PRDM16: variants seen among roughly 807,000 people sequenced by gnomAD.
The protein encoded by PRDM16 is histone-lysine N-methyltransferase PRDM16.
A neutral mutation model predicts 110.6 loss-of-function variants in PRDM16; 23 were observed. The ratio of observed to expected loss-of-function variants is 0.21; its 90% confidence interval spans 0.15 to 0.29. PRDM16 has a LOEUF of 0.29. PRDM16 is among the 10% of genes least tolerant of loss of function. The pLI, the probability that PRDM16 is intolerant of heterozygous loss-of-function variation, is 1.00. For synonymous variants in PRDM16, 799 were observed against 781.8 expected (o/e 1.02, Z -0.37); for missense variants, 1,615 against 1,794.3 (o/e 0.90, Z 1.81).
At position 3,069,204 on chromosome 1, in the gene PRDM16, G is replaced by C; in HGVS notation, c.-56G>C. 1 of 1,509,754 alleles carries C rather than the reference G, an allele frequency of 6.6e-7. No individual in the cohort carries two copies. The highest frequency in any genetic ancestry group is 9.1e-7 in the Non-Finnish European group (1 of 1,099,544). The allele number at this position is 1,509,754 out of a possible 1,614,324, so 93.5% of individuals were successfully genotyped here. On this transcript the variant is annotated 5_prime_UTR_variant, in exon 1 of 17. Coordinates refer to ENST00000270722, the MANE Select transcript of PRDM16 (RefSeq NM_022114.4). The surrounding 1 kb of genome is among the most constrained non-coding windows in gnomAD (Gnocchi z 6.1). The stretch of plus-strand genomic sequence containing the variant: ...TGACAATGCTGGGGAGATGAAGATA[G>C]TGTGTGGCTGCTTCTGGACTCAAGG...
intron 1 of PRDM16, among the ~76,000 whole-genome samples, chr1:3,146,597 G>A (rs775588929): frequency 5.6e-5 from 8 of 143,594 alleles, no homozygotes; most frequent in African/African-American, 7.9e-5. Context: ...ATGTGTGCAC[G>A]TGTGTGCTCA....
intron 1 of PRDM16, among the ~76,000 whole-genome samples, chr1:3,179,203 G>A (rs1018608906): frequency 1.3e-5 from 2 of 152,234 alleles, no homozygotes; most frequent in Admixed American, 1.3e-4. Flanking sequence ...ATGTGTAGCC[G>A]ATCCCAACCA....
intron 2 of PRDM16, among the ~76,000 whole-genome samples, chr1:3,237,141 C>T (rs1639556831): frequency 1.3e-5 from 2 of 152,154 alleles, no homozygotes; most frequent in Admixed American, 1.3e-4. Context: ...CAAACTGTCC[C>T]TCCTCCACAC....
intron 3 of PRDM16, among the ~76,000 whole-genome samples, chr1:3,366,265 A>C (rs1412221583): frequency 6.6e-6 from 1 of 152,216 alleles, no homozygotes; most frequent in African/African-American, 2.4e-5. Context: ...CTCGCAGACT[A>C]GACAGGCTTG....
At position 3,081,264 on chromosome 1, in the gene PRDM16, G is replaced by A. The variant is rs1304977106; in HGVS notation, c.37+11968G>A. Among the ~76,000 whole-genome samples the A allele has an allele frequency of 6.6e-6, 1 of 152,180 alleles. No homozygotes were observed. The highest frequency in any genetic ancestry group is 1.5e-5 in the Non-Finnish European group (1 of 68,026). ...TCGAGGCCCCTCGCGGCTGTACCCC[G>A]AGTCCCCCGTGCTGGCACCTGATAA... On this transcript the variant is annotated intron_variant, in intron 1 of 16. Coordinates refer to ENST00000270722, the MANE Select transcript of PRDM16 (RefSeq NM_022114.4). The surrounding 1 kb of genome is among the most constrained non-coding windows in gnomAD (Gnocchi z 4.6).
chr1:3,181,386 GGCCTTA>G (rs1644177215), intron 1 of PRDM16, among the ~76,000 whole-genome samples: 2 of 10,140 alleles, frequency 2.0e-4, no homozygotes, highest in Admixed American at 1.7e-3. Flanking sequence ...TCTTACACAC[GGCCTTA>G]CGCATGGTCT....
At chr1:3,089,082 C>T (rs1252034175) in intron 1 of PRDM16, among the ~76,000 whole-genome samples, 1 of 152,202 alleles carries the variant, frequency 6.6e-6, no homozygotes, top group Non-Finnish European at 1.5e-5. Context: ...CGCGCCAGTC[C>T]GAGATGCAGG....
At chr1:3,276,616 G>A (rs1640588178) in intron 3 of PRDM16, among the ~76,000 whole-genome samples, 1 of 145,104 alleles carries the variant, frequency 6.9e-6, no homozygotes. Context: ...TCACATCCCA[G>A]GGAAGCTGCA....
intron 2 of PRDM16, among the ~76,000 whole-genome samples, chr1:3,222,480 G>A (rs1421333044): frequency 6.6e-6 from 1 of 152,232 alleles, no homozygotes; most frequent in African/African-American, 2.4e-5. Context: ...CTTCCCTCCA[G>A]GAAGCCTCTC....
chr1:3,401,684 G>T (rs931815218), intron 5 of PRDM16, among the ~76,000 whole-genome samples: 1 of 152,110 alleles, frequency 6.6e-6, no homozygotes, highest in African/African-American at 2.4e-5. Flanking sequence ...ACACAACATA[G>T]CCACCCATGC....
At position 3,143,075 on chromosome 1, in the gene PRDM16, AC is replaced by A. The variant is rs141473519; in HGVS notation, c.38-43047del. On this transcript the variant is annotated intron_variant, in intron 1 of 16. Transcript: ENST00000270722. The surrounding 1 kb of genome is among the most constrained non-coding windows in gnomAD (Gnocchi z 4.5). ...GGCTGGAGAATTCGTACCCGCGGGCACCCATGGAAGCCTGAGCTCTGTCTTT... is the reference window on the plus strand; with the variant it reads ...GGCTGGAGAATTCGTACCCGCGGGCACCATGGAAGCCTGAGCTCTGTCTTT... 4.8e-3 allele frequency among the ~76,000 whole-genome samples: 729 copies of A among 152,304 alleles called. 1 individual carries two copies. The highest frequency in any genetic ancestry group is 9.4e-3 in the African/African-American group (392 of 41,560).
rs1232342495 is a variant in PRDM16 at position 3,425,499 on chromosome 1, G to T, written c.2940-82G>T. ...CACGGGGCACGGGGCAGGGGCGCGGGCTCCCTTCCCCCCACCCTCTGTGGC... is the reference window on the plus strand; with the variant it reads ...CACGGGGCACGGGGCAGGGGCGCGGTCTCCCTTCCCCCCACCCTCTGTGGC... On this transcript the variant is annotated intron_variant, in intron 12 of 16. Transcript: ENST00000270722. This position sits in a 1 kb window ranked among gnomAD's most constrained non-coding sequence, Gnocchi z 6.9. 6 of 1,462,010 alleles carry T rather than the reference G, an allele frequency of 4.1e-6. No individual in the cohort carries two copies. Among genetic ancestry groups the T allele is most frequent in the Non-Finnish European group, 5.6e-6 (6 of 1,068,532 alleles). The allele number at this position is 1,462,010 out of a possible 1,614,324, so 90.6% of individuals were successfully genotyped here. A position where few individuals can be genotyped will look rare whatever the true frequency, so the allele number is the denominator to read the frequency against.
At chr1:3,136,311 C>T (rs938090901) in intron 1 of PRDM16, among the ~76,000 whole-genome samples, 3 of 152,236 alleles carry the variant, frequency 2.0e-5, no homozygotes, top group African/African-American at 4.8e-5. Flanking sequence ...ACGCCAGGCA[C>T]TGAGTCCTCA....
At chr1:3,120,091 C>A (rs1297878578) in intron 1 of PRDM16, among the ~76,000 whole-genome samples, 1 of 152,230 alleles carries the variant, frequency 6.6e-6, no homozygotes, top group Non-Finnish European at 1.5e-5. Flanking sequence ...CCACCACCAG[C>A]CCTTATCCCA....
chr1:3,192,572 C>T (rs976991140), intron 2 of PRDM16, among the ~76,000 whole-genome samples: 5 of 152,130 alleles, frequency 3.3e-5, no homozygotes, highest in South Asian at 4.2e-4. Context: ...TGGCAGTGGG[C>T]GGGGCTTGGT....
intron 14 of PRDM16, among the ~76,000 whole-genome samples, chr1:3,426,590 A>C (rs1638613276): frequency 6.6e-6 from 1 of 152,226 alleles, no homozygotes; most frequent in Non-Finnish European, 1.5e-5. Context: ...TTTCCAAACC[A>C]AAATGCTGCA....
rs1490021283 is a variant in PRDM16, at chr1:3,282,258, T to G, written c.438+38121T>G. 2.0e-5 allele frequency among the ~76,000 whole-genome samples: 3 copies of G among 152,284 alleles called. No homozygotes were observed. The East Asian group carries it at 5.8e-4, about 30-fold the overall frequency. On this transcript the variant is annotated intron_variant, in intron 3 of 16. Coordinates refer to ENST00000270722, the MANE Select transcript of PRDM16 (RefSeq NM_022114.4). ...ACGTTTCCCCAGAGAGGTCAGCAGG[T>G]GCCGGGCACCAGCCCTTCCCCAGAC...
rs1341523667 is a variant in PRDM16, at chr1:3,332,450, G to A, written c.439-52702G>A. On this transcript the variant is annotated intron_variant, in intron 3 of 16. Transcript: ENST00000270722. ...GGCGGCTAGGGAGCGGTGGGGGGGCGTGGCCTGGCCCCCCCTCGGTTCGGT... is the reference window on the plus strand; with the variant it reads ...GGCGGCTAGGGAGCGGTGGGGGGGCATGGCCTGGCCCCCCCTCGGTTCGGT... 1.9e-4 allele frequency among the ~76,000 whole-genome samples: 29 copies of A among 152,190 alleles called. No homozygotes were observed. The East Asian group carries it at 5.0e-3, about 26-fold the overall frequency.
intron 1 of PRDM16, among the ~76,000 whole-genome samples, chr1:3,153,565 G>A (rs1199651649): frequency 6.6e-6 from 1 of 152,214 alleles, no homozygotes; most frequent in Non-Finnish European, 1.5e-5. Context: ...ATTGCCGGGT[G>A]TCTTTTGGAG....
Sources: gnomAD v4.1 joint callset for allele counts (sites outside exome capture counted in the v4.1 genomes callset) on GRCh38, gnomAD v4.1.1 for gene constraint, Gnocchi (gnomAD v3.1) non-coding constraint, MANE v1.5 for transcripts, NCBI Gene and HGNC (gene_info 2026-07-23, HGNC 2026-07-21) for gene names.